Variants in CLVS1 observed in about 807,000 individuals in gnomAD.
The protein encoded by CLVS1 is clavesin-1.
CLVS1 carries 10 observed loss-of-function variants against 33.1 expected under a neutral mutation model. That is an observed-to-expected ratio of 0.30 (90% CI 0.19 to 0.51). The LOEUF (loss-of-function observed/expected upper bound fraction) is 0.51. Ranked by LOEUF, CLVS1 falls within the 20% of genes least tolerant of loss-of-function variation. The pLI is 0.97. For missense variants in CLVS1, 343 were observed against 433.4 expected (o/e 0.79, Z 1.85); for synonymous variants, 163 against 166.1 (o/e 0.98, Z 0.14).
chr8:61,250,253 T>C (rs2931281), intron 2 of CLVS1, among the ~76,000 whole-genome samples: 102,958 of 151,948 alleles, frequency 0.68, 37,452 homozygotes, highest in East Asian at 0.97. Flanking sequence ...TTTCTGAGGC[T>C]TCTGTTCTGT....
intron 1 of CLVS1, among the ~76,000 whole-genome samples, chr8:61,119,497 G>A (rs1206229201): frequency 3.4e-5 from 5 of 148,424 alleles, no homozygotes; most frequent in Non-Finnish European, 7.5e-5. Context: ...GCATGATTTT[G>A]CAGCGGCTGG....
At position 61,395,043 on chromosome 8, in the gene CLVS1, C is replaced by T. The variant is rs187714623; in HGVS notation, c.630+18264C>T. Among the ~76,000 whole-genome samples, 30 of 152,248 alleles carry T rather than the reference C, an allele frequency of 2.0e-4. No homozygotes were observed. In the East Asian group the frequency reaches 5.0e-3, roughly 25 times the overall value. ...TTTACCAATTGTTTTCTTGCTATGG[C>T]GTTGCTTGAGTTCCTTATATATTTT... On this transcript the variant is annotated intron_variant, in intron 3 of 5. Transcript: ENST00000325897.
chr8:61,346,876 C>T (rs1478277504), intron 2 of CLVS1, among the ~76,000 whole-genome samples: 2 of 152,204 alleles, frequency 1.3e-5, no homozygotes, highest in African/African-American at 4.8e-5. Flanking sequence ...CAGATCTACT[C>T]TGAGGCAGAT....
chr8:61,063,348 G>T (rs6988327), intron 1 of CLVS1, among the ~76,000 whole-genome samples: 2 of 150,886 alleles, frequency 1.3e-5, no homozygotes, highest in African/African-American at 4.9e-5. Flanking sequence ...GGGTGAAATG[G>T]CTGTTGGTAA....
intron 3 of CLVS1, among the ~76,000 whole-genome samples, chr8:61,413,792 A>G (rs1223933414): frequency 1.3e-5 from 2 of 152,204 alleles, no homozygotes; most frequent in African/African-American, 4.8e-5. Context: ...GCTTGGACTA[A>G]CATTCAGGTG....
chr8:61,278,758 A>G (rs1809612372), intron 2 of CLVS1, among the ~76,000 whole-genome samples: 1 of 152,216 alleles, frequency 6.6e-6, no homozygotes, highest in Non-Finnish European at 1.5e-5. Context: ...TGTGCCCTTT[A>G]GAATGACTCA....
chr8:61,112,209 C>CACATAT (rs1554536015), intron 1 of CLVS1, among the ~76,000 whole-genome samples: 2 of 145,638 alleles, frequency 1.4e-5, no homozygotes, highest in African/African-American at 5.2e-5. Context: ...CACACACACA[C>CACATAT]ACACACACAC....
chr8:61,129,589 G>A (rs1416255983), intron 1 of CLVS1, among the ~76,000 whole-genome samples: 1 of 152,322 alleles, frequency 6.6e-6, no homozygotes, highest in South Asian at 2.1e-4. Flanking sequence ...GGAAGTCCAA[G>A]ATCAAGGAAT....
intron 2 of CLVS1, among the ~76,000 whole-genome samples, chr8:61,306,460 C>T (rs191940549): frequency 1.3e-5 from 2 of 152,296 alleles, no homozygotes; most frequent in East Asian, 3.9e-4. Context: ...GCATTACATG[C>T]AAGAATTTTC....
the CLVS1 span, among the ~76,000 whole-genome samples, chr8:60,990,989 G>A: frequency 2.2e-4 from 34 of 152,138 alleles, no homozygotes; most frequent in Non-Finnish European, 4.1e-4. Context: ...GAGATTACAG[G>A]CATGAGCCAA....
the CLVS1 span, among the ~76,000 whole-genome samples, chr8:61,016,035 G>A: frequency 5.9e-5 from 9 of 152,330 alleles, no homozygotes; most frequent in Admixed American, 5.9e-4. Flanking sequence ...AAAACTTTCT[G>A]AGTGCCAACA....
At chr8:60,990,125 C>CAAA in the CLVS1 span, among the ~76,000 whole-genome samples, 4 of 38,276 alleles carry the variant, frequency 1.0e-4, no homozygotes, top group African/African-American at 2.0e-4. Flanking sequence ...ACTCCATCTC[C>CAAA]AAAAAAAAAA....
At chr8:61,453,990 A>G in intron 3 of CLVS1, 151 bp from the exon 4 acceptor site, 1 of 682,098 alleles carries the variant, frequency 1.5e-6, no homozygotes, top group Non-Finnish European at 2.7e-6. Context: ...AACAATTAGG[A>G]AGTGAGTGTG....
chr8:61,389,896 C>A (rs1246190629), intron 3 of CLVS1, among the ~76,000 whole-genome samples: 1 of 152,160 alleles, frequency 6.6e-6, no homozygotes, highest in South Asian at 2.1e-4. Flanking sequence ...ATTATTAATA[C>A]TAATTTTTTG....
At chr8:61,188,767 T>C (rs551839126) in intron 2 of CLVS1, among the ~76,000 whole-genome samples, 6 of 152,136 alleles carry the variant, frequency 3.9e-5, no homozygotes, top group Admixed American at 3.3e-4. Context: ...AGAAGGTAAG[T>C]TATGGAGCAT....
intron 2 of CLVS1, among the ~76,000 whole-genome samples, chr8:61,240,445 T>C (rs571967783): frequency 6.6e-6 from 1 of 152,314 alleles, no homozygotes; most frequent in East Asian, 1.9e-4. Flanking sequence ...TGCCCAGCAA[T>C]TGGTCACCCT....
intron 1 of CLVS1, among the ~76,000 whole-genome samples, chr8:61,082,041 G>A (rs1247209372): frequency 6.6e-6 from 1 of 152,096 alleles, no homozygotes; most frequent in Non-Finnish European, 1.5e-5. Context: ...CAATTAATAC[G>A]GTAAGGGCTC....
intron 5 of CLVS1, among the ~76,000 whole-genome samples, chr8:61,471,181 C>T (rs1434666201): frequency 6.6e-6 from 1 of 152,200 alleles, no homozygotes; most frequent in Non-Finnish European, 1.5e-5. Flanking sequence ...GCCATGTAAC[C>T]TTGCTGAGTC....
chr8:61,307,951 T>A (rs1364313689), intron 2 of CLVS1, among the ~76,000 whole-genome samples: 1 of 152,218 alleles, frequency 6.6e-6, no homozygotes, highest in Admixed American at 6.5e-5. Context: ...TTTGACTTTC[T>A]GTTCCTAAAA....
Sources: gnomAD v4.1 joint callset for allele counts (sites outside exome capture counted in the v4.1 genomes callset) on GRCh38, gnomAD v4.1.1 for gene constraint, MANE v1.5 for transcripts, NCBI Gene and HGNC (gene_info 2026-07-23, HGNC 2026-07-21) for gene names.